Variants in UBQLN1 observed in about 807,000 individuals in gnomAD.
UBQLN1 encodes the protein ubiquilin-1.
Under a neutral mutation model 65.4 loss-of-function variants are expected in UBQLN1, and 13 were observed. The ratio of observed to expected loss-of-function variants is 0.20; its 90% CI spans 0.13 to 0.32. The LOEUF (loss-of-function observed/expected upper bound fraction) is 0.32. Ranked by LOEUF, UBQLN1 falls within the 10% of genes least tolerant of loss-of-function variation. The pLI is 1.00. For missense variants in UBQLN1, 561 were observed against 724.0 expected, an observed-to-expected ratio of 0.77 and a Z score of 2.58; for synonymous variants, 267 against 247.8, an observed-to-expected ratio of 1.08 and a Z score of -0.73.
chr9:83,679,937 A>G lies in UBQLN1; in HGVS notation c.549T>C (p.Pro183=). The part of the protein sequence containing the change: ...SQMQRQLLSN[P]EMMVQIMENP... ...TTTCCATGATCTGGACCATCATTTC[A>G]GGGTTAGACAAAAGTTGTCGCTGCA... The change falls in exon 4 of 11, where the codon CCT becomes CCC. Residue 183 remains proline (P), a synonymous_variant. Transcript: ENST00000376395. 1 of 1,614,182 alleles carries G rather than the reference A, an allele frequency of 6.2e-7. No homozygotes were observed. Among genetic ancestry groups the G allele is most frequent in the Non-Finnish European group, 8.5e-7 (1 of 1,180,036 alleles).
intron 7 of UBQLN1, chr9:83,668,248 C>G (rs781022586): frequency 1.1e-5 from 11 of 984,718 alleles, no homozygotes; most frequent in Admixed American, 1.2e-4. Context: ...GAGAATTATA[C>G]ACAAAGATAC....
At chr9:83,696,330 A>G (rs1832215575) in intron 1 of UBQLN1, among the ~76,000 whole-genome samples, 2 of 152,220 alleles carry the variant, frequency 1.3e-5, no homozygotes, top group Non-Finnish European at 2.9e-5. Context: ...AAGTAACTGT[A>G]ATAATGCCAT....
intron 1 of UBQLN1, among the ~76,000 whole-genome samples, chr9:83,700,828 G>A (rs1832297513): frequency 6.6e-6 from 1 of 152,132 alleles, no homozygotes; most frequent in Non-Finnish European, 1.5e-5. Context: ...GCATGGAACC[G>A]TATTACACAG....
intron 1 of UBQLN1, among the ~76,000 whole-genome samples, chr9:83,705,396 C>G (rs1364211591): frequency 6.6e-6 from 1 of 152,126 alleles, no homozygotes; most frequent in Non-Finnish European, 1.5e-5. Flanking sequence ...ATTACAGGTG[C>G]CTGCCACCAC....
At chr9:83,667,621 T>G in intron 7 of UBQLN1, 2 of 985,384 alleles carry the variant, frequency 2.0e-6, no homozygotes, top group Middle Eastern at 5.2e-4. Context: ...ATACTTATCA[T>G]CAACATATTA....
At chr9:83,693,823 TTTGCTACATACTAG>T (rs1009707482) in intron 1 of UBQLN1, among the ~76,000 whole-genome samples, 3 of 152,170 alleles carry the variant, frequency 2.0e-5, no homozygotes, top group Non-Finnish European at 4.4e-5. Flanking sequence ...AAATCTTGGT[TTTGCTACATACTAG>T]TTGTGTGACC....
intron 9 of UBQLN1, 147 bp from the exon 10 acceptor site, chr9:83,664,190 T>C (rs1427603169): frequency 2.7e-6 from 2 of 750,330 alleles, no homozygotes; most frequent in Non-Finnish European, 4.1e-6. Flanking sequence ...GGGAGACCGA[T>C]GATCCCAGCA....
chr9:83,694,021 A>C (rs1460521466), intron 1 of UBQLN1, among the ~76,000 whole-genome samples: 1 of 152,236 alleles, frequency 6.6e-6, no homozygotes, highest in Non-Finnish European at 1.5e-5. Context: ...TCTCAACTGT[A>C]AACACTCTGA....
chr9:83,701,755 G>C (rs1023687254), intron 1 of UBQLN1, among the ~76,000 whole-genome samples: 1 of 151,618 alleles, frequency 6.6e-6, no homozygotes, highest in Non-Finnish European at 1.5e-5. Context: ...AAAATAATTT[G>C]GCAGCTCCTC....
At chr9:83,673,438 A>G (rs1256342069) in intron 6 of UBQLN1, among the ~76,000 whole-genome samples, 3 of 148,940 alleles carry the variant, frequency 2.0e-5, no homozygotes, top group African/African-American at 7.4e-5. Context: ...CCAGCTACTC[A>G]GGAGGCTGAG....
intron 7 of UBQLN1, chr9:83,668,623 C>T (rs1290319527): frequency 5.7e-5 from 56 of 985,430 alleles, no homozygotes; most frequent in Non-Finnish European, 6.7e-5. Flanking sequence ...ATTTTCTTAG[C>T]TGTGGTCTCT....
At chr9:83,693,307 CCT>C (rs1213421506) in intron 1 of UBQLN1, among the ~76,000 whole-genome samples, 5 of 152,188 alleles carry the variant, frequency 3.3e-5, no homozygotes, top group African/African-American at 7.2e-5. Flanking sequence ...CTGAAGGTTA[CCT>C]CTGTTTGAGC....
chr9:83,662,158 T>C (rs956611726), intron 10 of UBQLN1, among the ~76,000 whole-genome samples: 4 of 152,052 alleles, frequency 2.6e-5, no homozygotes, highest in Admixed American at 2.6e-4. Flanking sequence ...GTCAAATAGA[T>C]CACGACTCTA....
intron 1 of UBQLN1, among the ~76,000 whole-genome samples, chr9:83,705,047 G>C (rs753240706): frequency 6.6e-6 from 1 of 151,940 alleles, no homozygotes; most frequent in African/African-American, 2.4e-5. Flanking sequence ...CATGAATTAG[G>C]AATCCTAGAA....
rs142131125 is a variant in UBQLN1 at position 83,703,813 on chromosome 9, T to C, written c.180+3687A>G. ...AACATTATTAAATACCAAATGTATATAGCACTGTAAAAAATTAAGGCAACC... is the reference window on the plus strand; with the variant it reads ...AACATTATTAAATACCAAATGTATACAGCACTGTAAAAAATTAAGGCAACC... On this transcript the variant is annotated intron_variant, in intron 1 of 10. Coordinates refer to ENST00000376395, the MANE Select transcript of UBQLN1 (RefSeq NM_013438.5). 3.3e-3 allele frequency among the ~76,000 whole-genome samples: 503 copies of C among 152,334 alleles called. 2 individuals are homozygous for C. Among genetic ancestry groups the C allele is most frequent in the South Asian group, 9.3e-3 (45 of 4,828 alleles).
At chr9:83,696,208 T>C (rs899877956) in intron 1 of UBQLN1, among the ~76,000 whole-genome samples, 18 of 152,326 alleles carry the variant, frequency 1.2e-4, no homozygotes, top group Admixed American at 9.1e-4. Context: ...TATACACTTA[T>C]AAAGTACAAC....
At chr9:83,672,983 G>A (rs1831758784) in intron 6 of UBQLN1, among the ~76,000 whole-genome samples, 1 of 152,216 alleles carries the variant, frequency 6.6e-6, no homozygotes. Context: ...TGTAATTCCA[G>A]CACTTTGGGA....
At chr9:83,686,296 G>A (rs1311128906) in intron 1 of UBQLN1, 141 bp from the exon 2 acceptor site, 16 of 577,266 alleles carry the variant, frequency 2.8e-5, no homozygotes, top group Non-Finnish European at 4.4e-5. Context: ...GGAGGCTGAG[G>A]CAGGAGGACT....
At chr9:83,691,194 AATAC>A (rs1832122755) in intron 1 of UBQLN1, among the ~76,000 whole-genome samples, 1 of 128,014 alleles carries the variant, frequency 7.8e-6, no homozygotes, top group Admixed American at 8.4e-5. Context: ...ATACACATAT[AATAC>A]ATATATATAT....
Sources: allele counts gnomAD v4.1 joint callset (sites outside exome capture counted in the v4.1 genomes callset), GRCh38; gene constraint gnomAD v4.1.1; transcripts MANE v1.5; gene names NCBI Gene and HGNC (gene_info 2026-07-23, HGNC 2026-07-21).